KDM4C: variants seen among roughly 807,000 people sequenced by gnomAD.
KDM4C encodes lysine-specific demethylase 4C.
KDM4C carries 81 observed loss-of-function variants against 129.3 expected under a neutral mutation model. That is an observed-to-expected ratio of 0.63 (90% confidence interval 0.52 to 0.75). KDM4C has a LOEUF of 0.75. Among genes scored for constraint, KDM4C ranks in the 30% least tolerant of loss-of-function variants. The pLI, the probability that KDM4C is intolerant of heterozygous loss-of-function variation, is 0.00. For synonymous variants in KDM4C, 573 were observed against 456.1 expected, an observed-to-expected ratio of 1.26 and a Z score of -3.26; for missense variants, 1,457 against 1,304.0, an observed-to-expected ratio of 1.12 and a Z score of -1.81.
At chr9:7,157,478 T>C (rs1459846511) in intron 19 of KDM4C, among the ~76,000 whole-genome samples, 2 of 152,232 alleles carry the variant, frequency 1.3e-5, no homozygotes, top group East Asian at 1.9e-4. Flanking sequence ...CATTATGATA[T>C]TGGCTGTGGG....
In KDM4C at chr9:7,108,808, C is replaced by G. The variant is rs531520112; in HGVS notation, c.2610+4938C>G. Among the ~76,000 whole-genome samples the G allele has an allele frequency of 9.9e-5, 15 of 152,250 alleles. No homozygotes were observed. The South Asian group carries it at 3.1e-3, about 32-fold the overall frequency. ...TGTGGAAAGATGGATGTTTGAGGCT[C>G]CCAAATTCTATACCCTAGAATAGTA... On this transcript the variant is annotated intron_variant, in intron 18 of 21. Transcript: ENST00000381309.
chr9:6,782,034 C>T (rs138646447), intron 1 of KDM4C, among the ~76,000 whole-genome samples: 360 of 151,906 alleles, frequency 2.4e-3, no homozygotes, highest in Non-Finnish European at 4.2e-3. Flanking sequence ...CATGTTGGCC[C>T]GGCTGGTCTC....
At chr9:6,792,636 C>G (rs1202179410) in intron 1 of KDM4C, among the ~76,000 whole-genome samples, 1 of 152,144 alleles carries the variant, frequency 6.6e-6, no homozygotes, top group Non-Finnish European at 1.5e-5. Flanking sequence ...ATCTGCCCGT[C>G]TTGGCCCCCC....
chr9:6,970,371 C>G (rs1831753242), intron 8 of KDM4C, among the ~76,000 whole-genome samples: 1 of 152,114 alleles, frequency 6.6e-6, no homozygotes, highest in Non-Finnish European at 1.5e-5. Flanking sequence ...GTAATTGTAC[C>G]TGTTGGGACA....
At position 6,888,008 on chromosome 9, in the gene KDM4C, A is replaced by C; in HGVS notation, c.728A>C (p.Lys243Thr). ...SQGCDAFLRH[K>T]MTLISPSVLK... ...GGGTGTGATGCATTTCTTCGCCACA[A>C]GATGACATTGATTTCTCCATCAGTA... The change falls in exon 7 of 22, where the codon AAG (lysine) becomes ACG (threonine). Residue 243 changes from lysine (K) to threonine (T), a missense_variant. By Grantham distance (78) the Lys-to-Thr change is moderately conservative. Transcript: ENST00000381309. 3.1e-6 allele frequency: 5 copies of C among 1,612,288 alleles called. No individual in the cohort carries two copies. Among genetic ancestry groups the C allele is most frequent in the Non-Finnish European group, 4.2e-6 (5 of 1,178,676 alleles).
intron 17 of KDM4C, among the ~76,000 whole-genome samples, chr9:7,061,584 G>T (rs538747422): frequency 1.3e-5 from 2 of 152,156 alleles, no homozygotes; most frequent in Admixed American, 6.5e-5. Context: ...GAGAAGACTC[G>T]TCCAGTCTCC....
chr9:6,857,964 A>T (rs188531131), intron 5 of KDM4C, among the ~76,000 whole-genome samples: 1,122 of 93,498 alleles, frequency 0.012, 10 homozygotes, highest in African/African-American at 0.042. Flanking sequence ...GGGTTTTGCT[A>T]TGTTGCCCAG....
At chr9:6,845,066 C>T (rs1388658345) in intron 4 of KDM4C, among the ~76,000 whole-genome samples, 1 of 152,164 alleles carries the variant, frequency 6.6e-6, no homozygotes, top group African/African-American at 2.4e-5. Context: ...TTATTTCTTT[C>T]TGTAGGTGGA....
intron 18 of KDM4C, among the ~76,000 whole-genome samples, chr9:7,124,412 C>T (rs1445448192): frequency 1.3e-5 from 2 of 152,202 alleles, no homozygotes; most frequent in African/African-American, 4.8e-5. Context: ...GGGCCACTGT[C>T]TGTGGCCACA....
intron 1 of KDM4C, among the ~76,000 whole-genome samples, chr9:6,781,696 A>G (rs1451564674): frequency 1.3e-5 from 2 of 152,178 alleles, no homozygotes; most frequent in Admixed American, 6.5e-5. Context: ...GAAACAAGAA[A>G]GCCTTTGTTT....
At chr9:6,909,109 T>C (rs536991750) in intron 8 of KDM4C, among the ~76,000 whole-genome samples, 2 of 152,202 alleles carry the variant, frequency 1.3e-5, no homozygotes, top group South Asian at 4.1e-4. Flanking sequence ...AAAACAAATA[T>C]GTGAAACATA....
chr9:7,156,144 T>A (rs1332852428), intron 19 of KDM4C, among the ~76,000 whole-genome samples: 1 of 152,258 alleles, frequency 6.6e-6, no homozygotes, highest in African/African-American at 2.4e-5. Context: ...GTTGGCTGCA[T>A]AAGTGTCTTC....
chr9:7,000,756 A>G (rs1348293133), intron 12 of KDM4C, among the ~76,000 whole-genome samples: 6 of 152,088 alleles, frequency 3.9e-5, no homozygotes, highest in Non-Finnish European at 7.4e-5. Flanking sequence ...TTTTTCTTGG[A>G]GATAGAATGT....
intron 17 of KDM4C, among the ~76,000 whole-genome samples, chr9:7,087,229 C>G (rs1025777824): frequency 7.3e-5 from 11 of 151,464 alleles, no homozygotes; most frequent in Admixed American, 7.2e-4. Flanking sequence ...AGAGACATTA[C>G]TGCAACAAAA....
chr9:7,139,775 A>C (rs10815528), intron 19 of KDM4C, among the ~76,000 whole-genome samples: 22,308 of 152,142 alleles, frequency 0.15, 1,896 homozygotes, highest in South Asian at 0.18. Context: ...ACTTTATCTC[A>C]TATCATTATG....
At chr9:6,982,275 C>T (rs1308476183) in intron 9 of KDM4C, 1 of 151,672 alleles carries the variant, frequency 6.6e-6, no homozygotes, top group African/African-American at 2.4e-5. Flanking sequence ...AGTGGAAGAA[C>T]CTTAGGAACA....
chr9:6,931,287 G>A (rs1026602776), intron 8 of KDM4C, among the ~76,000 whole-genome samples: 35 of 152,014 alleles, frequency 2.3e-4, no homozygotes, highest in Non-Finnish European at 7.4e-5. Flanking sequence ...TATAATTTTA[G>A]TAATAAATAA....
intron 18 of KDM4C, among the ~76,000 whole-genome samples, chr9:7,120,745 C>T (rs930951461): frequency 7.9e-5 from 12 of 152,108 alleles, no homozygotes; most frequent in Admixed American, 1.3e-4. Context: ...TTTCACTTTA[C>T]AAAGTGTTCG....
At position 6,989,684 on chromosome 9, in the gene KDM4C, A is replaced by T. The variant is rs1330058526; in HGVS notation, c.1678-732A>T. On this transcript the variant is annotated intron_variant, in intron 11 of 21. Coordinates refer to ENST00000381309, the MANE Select transcript of KDM4C (RefSeq NM_015061.6). ...TATTGTCTTCTCTGTGAGGATAGAA[A>T]ATAAAATTCCTTGCTAAATGTTAAC... 3.9e-5 allele frequency among the ~76,000 whole-genome samples: 6 copies of T among 152,216 alleles called. No homozygotes were observed. In the South Asian group the frequency reaches 1.2e-3, roughly 31 times the overall value.
Sources: gnomAD v4.1 joint callset for allele counts (sites outside exome capture counted in the v4.1 genomes callset) on GRCh38, gnomAD v4.1.1 for gene constraint, MANE v1.5 for transcripts, NCBI Gene and HGNC (gene_info 2026-07-23, HGNC 2026-07-21) for gene names.